SLC37A1: variants seen among roughly 807,000 people sequenced by gnomAD.
The protein encoded by SLC37A1 is solute carrier family 37 member 1.
SLC37A1 carries 49 observed loss-of-function variants against 75.3 expected under a neutral mutation model. That is an observed-to-expected ratio of 0.65 (90% CI 0.52 to 0.83). SLC37A1 has a LOEUF of 0.83. Ranked by LOEUF, SLC37A1 falls within the 40% of genes least tolerant of loss-of-function variation. SLC37A1 has a pLI of 0.00. For synonymous variants in SLC37A1, 268 were observed against 292.1 expected, an observed-to-expected ratio of 0.92 and a Z score of 0.84; for missense variants, 566 against 695.0, an observed-to-expected ratio of 0.81 and a Z score of 2.09.
rs577716940 is a variant in SLC37A1 at position 42,515,789 on chromosome 21, C to G, written c.-179+1072C>G. 2.0e-5 allele frequency among the ~76,000 whole-genome samples: 3 copies of G among 152,168 alleles called. No homozygotes were observed. The South Asian group carries it at 6.2e-4, about 32-fold the overall frequency. ...TTTATATTTTTTTAAGACAGGGTCT[C>G]GCTCTGTCGCCCAGGCTGGAGTGTA... On this transcript the variant is annotated intron_variant, in intron 1 of 19. Transcript: ENST00000352133.
chr21:42,580,765 G>A lies in SLC37A1; in HGVS notation c.*405G>A, dbSNP rs2056408786. ...AGTGAGCGAGTACTGCGCTGGCTGT[G>A]GCTTCAGAGAACCTGTATGTGCCAC... On this transcript the variant is annotated 3_prime_UTR_variant, in exon 20 of 20. Transcript: ENST00000352133. The A allele has an allele frequency of 1.7e-5, 4 of 231,754 alleles. No homozygotes were observed. The South Asian group carries it at 2.7e-4, about 15-fold the overall frequency. 14.4% of individuals were successfully genotyped at this position (231,754 alleles called of 1,614,324 possible). A position where few individuals can be genotyped will look rare whatever the true frequency, so the allele number is the denominator to read the frequency against.
intron 2 of SLC37A1, among the ~76,000 whole-genome samples, chr21:42,525,487 C>T (rs991655445): frequency 2.0e-5 from 3 of 152,182 alleles, no homozygotes; most frequent in Non-Finnish European, 4.4e-5. Context: ...GGGGAAAACC[C>T]CTACACACGT....
At chr21:42,529,458 G>A (rs537795699) in intron 3 of SLC37A1, among the ~76,000 whole-genome samples, 29 of 152,202 alleles carry the variant, frequency 1.9e-4, no homozygotes, top group African/African-American at 6.3e-4. Context: ...GGAGACTGAC[G>A]CATGAGAATC....
At chr21:42,518,938 G>T (rs960559290) in intron 2 of SLC37A1, among the ~76,000 whole-genome samples, 2 of 152,242 alleles carry the variant, frequency 1.3e-5, no homozygotes, top group Admixed American at 6.5e-5. Flanking sequence ...AGCCCAGAAT[G>T]CTGCTTTCCG....
At chr21:42,575,010 G>A in intron 18 of SLC37A1, 95 bp downstream of exon 18, 1 of 1,556,828 alleles carries the variant, frequency 6.4e-7, no homozygotes, top group Non-Finnish European at 8.7e-7. Flanking sequence ...GCATTCCTGA[G>A]TTATCAGAGA....
chr21:42,577,846 A>G (rs180998502), intron 18 of SLC37A1, among the ~76,000 whole-genome samples: 136 of 152,330 alleles, frequency 8.9e-4, no homozygotes, highest in Non-Finnish European at 1.3e-3. Flanking sequence ...AGACAAAAGT[A>G]AAAGAATGGG....
chr21:42,527,029 G>C (rs140491023), intron 3 of SLC37A1, among the ~76,000 whole-genome samples: 4 of 152,314 alleles, frequency 2.6e-5, no homozygotes, highest in Admixed American at 6.5e-5. Context: ...AGTGACTATT[G>C]AAGAGACTTG....
intron 12 of SLC37A1, 42 bp downstream of exon 12, chr21:42,562,210 C>A: frequency 6.4e-7 from 1 of 1,562,140 alleles, no homozygotes; most frequent in Non-Finnish European, 8.8e-7. Flanking sequence ...CGCACAGTGA[C>A]TGGGGTCCGA....
chr21:42,518,112 C>G (rs989284550), intron 1 of SLC37A1, among the ~76,000 whole-genome samples, 165 bp from the exon 2 acceptor site: 3 of 152,230 alleles, frequency 2.0e-5, no homozygotes, highest in African/African-American at 7.2e-5. Flanking sequence ...CTCACTCCCC[C>G]TCTTCCTAGT....
chr21:42,549,905 C>T (rs1221067150), intron 9 of SLC37A1, among the ~76,000 whole-genome samples: 1 of 152,164 alleles, frequency 6.6e-6, no homozygotes, highest in African/African-American at 2.4e-5. Context: ...AAAATAACAG[C>T]ATAACGAACC....
At chr21:42,576,862 AAG>A (rs895054042) in intron 18 of SLC37A1, among the ~76,000 whole-genome samples, 4 of 152,182 alleles carry the variant, frequency 2.6e-5, no homozygotes, top group African/African-American at 7.2e-5. Flanking sequence ...TCAGCACAAA[AAG>A]AGAGATGGAA....
Position 42,535,500 on chromosome 21 carries a change from G to A in SLC37A1, c.300G>A (p.Gly100=). ...FDKNNYQQLL[G]ALDYSFLCAY... ...AGAACAACTATCAGCAGCTGCTTGG[G>A]GCCCTGGACTACTCCTTCCTGTGCG... Residue 100 remains glycine (G), a synonymous_variant, in exon 5 of 20, where the codon GGG becomes GGA. Transcript: ENST00000352133. 1 of 1,614,138 alleles carries A rather than the reference G, an allele frequency of 6.2e-7. No homozygotes were observed.
At chr21:42,557,500 C>G (rs1291698071) in intron 10 of SLC37A1, among the ~76,000 whole-genome samples, 2 of 152,286 alleles carry the variant, frequency 1.3e-5, no homozygotes, top group African/African-American at 4.8e-5. Flanking sequence ...TAGGCATCTG[C>G]ACTCAGCCTT....
At chr21:42,579,457 A>G (rs1321259935) in intron 18 of SLC37A1, among the ~76,000 whole-genome samples, 1 of 94,838 alleles carries the variant, frequency 1.1e-5, no homozygotes, top group Non-Finnish European at 2.4e-5. Flanking sequence ...TTCAGGCTGC[A>G]TCTCTCCCAA....
At position 42,548,480 on chromosome 21, in the gene SLC37A1, C is replaced by A. The variant is rs948828648; in HGVS notation, c.768+1340C>A. Among the ~76,000 whole-genome samples the A allele has an allele frequency of 2.6e-5, 4 of 152,130 alleles. No individual in the cohort carries two copies. Among genetic ancestry groups the A allele is most frequent in the Non-Finnish European group, 5.9e-5 (4 of 68,020 alleles). The stretch of plus-strand genomic sequence containing the variant: ...AACACCCCCTCCCTTCAGCCCCGCA[C>A]CCCATCCTTGGCCATGTTCTGTCAG... On this transcript the variant is annotated intron_variant, in intron 9 of 19. Transcript: ENST00000352133. The surrounding 1 kb of genome is among the most constrained non-coding windows in gnomAD (Gnocchi z 5.6).
At chr21:42,573,227 G>GA (rs2056228351) in intron 17 of SLC37A1, among the ~76,000 whole-genome samples, 1 of 152,316 alleles carries the variant, frequency 6.6e-6, no homozygotes, top group South Asian at 2.1e-4. Context: ...CCTGGGATCC[G>GA]AGGTGCGGCA....
chr21:42,564,715 C>A lies in SLC37A1; in HGVS notation c.1143C>A (p.Ile381=), dbSNP rs147188875. ...CCCGCCTCTCCGTTGCAGGTGGGAT[C>A]CTGGCAGGTGTGATCTCAGACCGAC... ...LFDVGGIFGG[I]LAGVISDRLE... is the part of the protein sequence containing the mutation. The change falls in exon 14 of 20, where the codon ATC becomes ATA. Residue 381 remains isoleucine (I), a synonymous_variant. Coordinates refer to ENST00000352133, the MANE Select transcript of SLC37A1 (RefSeq NM_001320537.2). 86 of 1,611,264 alleles carry A rather than the reference C, an allele frequency of 5.3e-5. No individual in the cohort carries two copies. In the African/African-American group the frequency reaches 1.0e-3, roughly 19 times the overall value.
intron 9 of SLC37A1, among the ~76,000 whole-genome samples, chr21:42,550,491 G>T (rs1258105744): frequency 6.6e-6 from 1 of 152,216 alleles, no homozygotes; most frequent in Admixed American, 6.5e-5. Flanking sequence ...CCCAGGACCA[G>T]ATGGCTTTAC....
intron 3 of SLC37A1, among the ~76,000 whole-genome samples, chr21:42,528,594 G>T (rs1156485825): frequency 1.3e-5 from 2 of 152,200 alleles, no homozygotes; most frequent in African/African-American, 2.4e-5. Flanking sequence ...GGGAGGCCGA[G>T]GTGGGCGGAT....
Sources: gnomAD v4.1 joint callset for allele counts (sites outside exome capture counted in the v4.1 genomes callset) on GRCh38, gnomAD v4.1.1 for gene constraint, Gnocchi (gnomAD v3.1) non-coding constraint, MANE v1.5 for transcripts, NCBI Gene and HGNC (gene_info 2026-07-23, HGNC 2026-07-21) for gene names.